C2CD3: variants seen among roughly 807,000 people sequenced by gnomAD.
C2CD3 encodes C2 domain containing 3 centriole elongation regulator.
C2CD3 carries 148 observed loss-of-function variants against 234.0 expected under a neutral mutation model. The ratio of observed to expected loss-of-function variants is 0.63; its 90% CI spans 0.55 to 0.72. C2CD3 has a LOEUF of 0.72. C2CD3 is among the 30% of genes least tolerant of loss of function. The pLI is 0.00. For synonymous variants in C2CD3, 1,000 were observed against 1,035.4 expected, an observed-to-expected ratio of 0.97 and a Z score of 0.66; for missense variants, 2,577 against 2,811.5, an observed-to-expected ratio of 0.92 and a Z score of 1.89.
At chr11:74,156,094 C>A (rs972311846) in intron 3 of C2CD3, among the ~76,000 whole-genome samples, 7 of 151,974 alleles carry the variant, frequency 4.6e-5, no homozygotes, top group Admixed American at 1.3e-4. Context: ...ACCAACACAG[C>A]AAAACCCTGT....
At chr11:74,026,361 G>A (rs967409893) in intron 32 of C2CD3, among the ~76,000 whole-genome samples, 8 of 152,004 alleles carry the variant, frequency 5.3e-5, no homozygotes, top group African/African-American at 1.4e-4. Flanking sequence ...ATTAATTCCT[G>A]TGCCAAATAA....
intron 28 of C2CD3, among the ~76,000 whole-genome samples, chr11:74,043,958 A>G (rs1331419955): frequency 1.3e-5 from 2 of 151,982 alleles, no homozygotes; most frequent in African/African-American, 4.8e-5. Flanking sequence ...TAAGTAGCTG[A>G]GACCACAGAT....
chr11:74,074,645 A>G, intron 23 of C2CD3, 45 bp from the exon 24 acceptor site: 1 of 1,491,580 alleles, frequency 6.7e-7, no homozygotes, highest in Non-Finnish European at 9.1e-7. Flanking sequence ...GCAGGAACCA[A>G]GACCAAGCTT....
chr11:74,037,628 G>C lies in C2CD3; in HGVS notation c.5731C>G (p.Leu1911Val), dbSNP rs577943892. The C allele has an allele frequency of 1.2e-6, 2 of 1,614,144 alleles. No homozygotes were observed. The highest frequency in any genetic ancestry group is 2.2e-5 in the East Asian group (1 of 44,876). The change falls in exon 30 of 33, where the codon CTC (leucine) becomes GTC (valine). Residue 1911 changes from leucine to valine, a missense_variant. Transcript: ENST00000334126. ...ATGGCCGTTTGAGTCTGAGGGCTGA[G>C]GGGTAGGAAAGGCTTGGTGAGCTTC... ...RQKLTKPFLP[L>V]SPQTQTAISQ...
intron 24 of C2CD3, among the ~76,000 whole-genome samples, chr11:74,068,288 T>C (rs1265944257): frequency 6.6e-6 from 1 of 152,182 alleles, no homozygotes; most frequent in African/African-American, 2.4e-5. Context: ...TTTCTTCCAA[T>C]AAAATGTCAT....
chr11:74,119,408 TAAAG>T (rs924939823), intron 8 of C2CD3, among the ~76,000 whole-genome samples: 5 of 152,018 alleles, frequency 3.3e-5, no homozygotes, highest in Non-Finnish European at 7.4e-5. Context: ...AAATGTAAAA[TAAAG>T]AGAGAAGATG....
At chr11:74,074,084 T>C (rs760568162) in intron 24 of C2CD3, among the ~76,000 whole-genome samples, 169 bp downstream of exon 24, 2 of 152,226 alleles carry the variant, frequency 1.3e-5, no homozygotes, top group African/African-American at 2.4e-5. Flanking sequence ...ATTTACGATA[T>C]GCAACAAGTT....
At chr11:74,042,265 A>G (rs1953105638) in intron 28 of C2CD3, 47 bp from the exon 29 acceptor site, 3 of 1,567,302 alleles carry the variant, frequency 1.9e-6, no homozygotes, top group Admixed American at 1.8e-5. Context: ...TAAATTCCCA[A>G]TCAATGAGAA....
At chr11:74,047,240 TATATA>T (rs1461840765) in intron 28 of C2CD3, among the ~76,000 whole-genome samples, 1 of 152,224 alleles carries the variant, frequency 6.6e-6, no homozygotes, top group Admixed American at 6.5e-5. Context: ...TGGCTGTCTG[TATATA>T]ATATGACACT....
chr11:74,121,249 T>G (rs1181081313), intron 8 of C2CD3, among the ~76,000 whole-genome samples: 1 of 152,168 alleles, frequency 6.6e-6, no homozygotes, highest in Non-Finnish European at 1.5e-5. Context: ...TTAACCTCTT[T>G]AAGCTTTTGT....
intron 9 of C2CD3, among the ~76,000 whole-genome samples, chr11:74,116,827 C>T (rs557479672): frequency 9.5e-4 from 127 of 133,310 alleles, no homozygotes; most frequent in South Asian, 1.9e-3. Context: ...CACATATATA[C>T]GTGTGTGTAT....
intron 3 of C2CD3, among the ~76,000 whole-genome samples, chr11:74,143,883 G>C (rs1473997163): frequency 6.6e-6 from 1 of 151,996 alleles, no homozygotes; most frequent in Non-Finnish European, 1.5e-5. Flanking sequence ...AAGGTTTTAA[G>C]CTAAAAATTA....
chr11:74,089,249 T>A (rs984587798), intron 20 of C2CD3, among the ~76,000 whole-genome samples: 1 of 152,160 alleles, frequency 6.6e-6, no homozygotes. Flanking sequence ...AACCTTAGCA[T>A]CATGCGACAT....
At position 74,098,101 on chromosome 11, in the gene C2CD3, G is replaced by GT; in HGVS notation, c.2886dup (p.Gln963ThrfsTer6). 2.5e-6 allele frequency: 4 copies of GT among 1,614,018 alleles called. No homozygotes were observed. Among genetic ancestry groups the GT allele is most frequent in the Non-Finnish European group, 2.5e-6 (3 of 1,179,930 alleles). ...GTTCCTTCTTCATTCTTTAATCTTT[G>GT]TAGTGCCATTATTTGATTTGAAGAA... On this transcript the variant is annotated frameshift_variant, in exon 16 of 33. Transcript: ENST00000334126. LOFTEE classifies it high-confidence loss of function.
intron 7 of C2CD3, chr11:74,129,346 T>C: frequency 6.2e-6 from 1 of 162,398 alleles, no homozygotes; most frequent in Non-Finnish European, 1.2e-5. Flanking sequence ...AGAGGTCTCC[T>C]CATTTCTCAG....
intron 22 of C2CD3, among the ~76,000 whole-genome samples, chr11:74,083,520 A>G (rs1286838915): frequency 2.0e-5 from 3 of 152,230 alleles, no homozygotes; most frequent in African/African-American, 7.2e-5. Flanking sequence ...ACAGAATGGA[A>G]GAAAATTTTT....
intron 3 of C2CD3, among the ~76,000 whole-genome samples, chr11:74,143,915 T>C (rs2135549058): frequency 6.6e-6 from 1 of 152,318 alleles, no homozygotes; most frequent in African/African-American, 2.4e-5. Context: ...AATTATCATT[T>C]TATTCAGGTT....
At chr11:74,107,850 TAA>T (rs1956583695) in intron 12 of C2CD3, 1 of 151,950 alleles carries the variant, frequency 6.6e-6, no homozygotes, top group Non-Finnish European at 1.5e-5. Context: ...AACTCTTTTA[TAA>T]TTAGAAAAAA....
At chr11:74,111,264 C>G (rs140943348) in intron 11 of C2CD3, among the ~76,000 whole-genome samples, 1 of 152,092 alleles carries the variant, frequency 6.6e-6, no homozygotes, top group African/African-American at 2.4e-5. Flanking sequence ...AGGTGCAGAA[C>G]CATGTACAGG....
Sources: gnomAD v4.1 joint callset for allele counts (sites outside exome capture counted in the v4.1 genomes callset) on GRCh38, gnomAD v4.1.1 for gene constraint, MANE v1.5 for transcripts, NCBI Gene and HGNC (gene_info 2026-07-23, HGNC 2026-07-21) for gene names.